Variants in DAPL1 observed in about 807,000 individuals in gnomAD.
DAPL1 encodes the protein death associated protein like 1.
DAPL1 carries 17 observed loss-of-function variants against 12.9 expected under a neutral mutation model. The observed-to-expected ratio is 1.32, with a 90% CI of 0.90 to 1.98. The LOEUF (loss-of-function observed/expected upper bound fraction) is 1.98. Ranked by LOEUF, DAPL1 falls within the 30% of genes most tolerant of loss-of-function variation. The pLI, the probability that DAPL1 is intolerant of heterozygous loss-of-function variation, is 0.00. For synonymous variants in DAPL1, 51 were observed against 42.0 expected (o/e 1.21, Z -0.82); for missense variants, 157 against 125.7 (o/e 1.25, Z -1.19).
chr2:158,795,552 A>C, intron 1 of DAPL1, 122 bp downstream of exon 1: 3 of 896,168 alleles, frequency 3.3e-6, no homozygotes, highest in Non-Finnish European at 5.3e-6. Flanking sequence ...CTTTAACTCC[A>C]TGCAGCCTGA....
intron 3 of DAPL1, among the ~76,000 whole-genome samples, chr2:158,813,893 C>T (rs1575231771): frequency 6.6e-6 from 1 of 152,142 alleles, no homozygotes; most frequent in Non-Finnish European, 1.5e-5. Context: ...CCCATCATCT[C>T]TTTCACACTT....
chr2:158,795,348 A>C lies in DAPL1; in HGVS notation c.-25A>C. On this transcript the variant is annotated 5_prime_UTR_variant, in exon 1 of 4. Transcript: ENST00000309950. Reference sequence around the variant, plus strand: ...GGCATTCAGCCTCCAGAGCACCAGCACTGGCACTGGCACTGGCACACGCTA... The same window carrying C: ...GGCATTCAGCCTCCAGAGCACCAGCCCTGGCACTGGCACTGGCACACGCTA... 6.4e-7 allele frequency: 1 copy of C among 1,551,858 alleles called. No homozygotes were observed. The highest frequency in any genetic ancestry group is 1.2e-5 in the South Asian group (1 of 84,028).
At chr2:158,795,774 A>C (rs896348171) in intron 1 of DAPL1, among the ~76,000 whole-genome samples, 1 of 152,114 alleles carries the variant, frequency 6.6e-6, no homozygotes, top group Non-Finnish European at 1.5e-5. Flanking sequence ...ACACATCTAC[A>C]CCAGGAAGAT....
intron 3 of DAPL1, chr2:158,807,793 A>G (rs1477594969): frequency 6.6e-5 from 10 of 152,308 alleles, no homozygotes; most frequent in Admixed American, 4.6e-4. Flanking sequence ...GATTACAGGC[A>G]TGTACCACCA....
chr2:158,810,458 C>G (rs2059224424), intron 3 of DAPL1, among the ~76,000 whole-genome samples: 1 of 152,178 alleles, frequency 6.6e-6, no homozygotes, highest in Non-Finnish European at 1.5e-5. Context: ...AAAGAAACTC[C>G]TCTCCATAGG....
intron 3 of DAPL1, among the ~76,000 whole-genome samples, chr2:158,815,246 T>C (rs1380470004): frequency 1.3e-5 from 2 of 152,214 alleles, no homozygotes; most frequent in Non-Finnish European, 2.9e-5. Context: ...AAATAGCAAA[T>C]GTACACACTT....
chr2:158,809,275 T>C (rs1662683738), intron 3 of DAPL1, among the ~76,000 whole-genome samples: 1 of 134,766 alleles, frequency 7.4e-6, no homozygotes, highest in Non-Finnish European at 1.5e-5. Context: ...GGAGAATTGC[T>C]TGAACCCGGG....
At chr2:158,810,161 G>A (rs1222343017) in intron 3 of DAPL1, among the ~76,000 whole-genome samples, 5 of 152,154 alleles carry the variant, frequency 3.3e-5, no homozygotes, top group Non-Finnish European at 5.9e-5. Flanking sequence ...TAGCCATGCT[G>A]CATAAACTAT....
At chr2:158,813,346 A>G (rs764911344) in intron 3 of DAPL1, among the ~76,000 whole-genome samples, 16 of 152,120 alleles carry the variant, frequency 1.1e-4, no homozygotes, top group South Asian at 2.1e-4. Context: ...TGTATTTAGC[A>G]CCACTGGACT....
At chr2:158,814,279 A>G (rs1277068376) in intron 3 of DAPL1, among the ~76,000 whole-genome samples, 1 of 152,164 alleles carries the variant, frequency 6.6e-6, no homozygotes, top group African/African-American at 2.4e-5. Context: ...TCTGATGATA[A>G]CTGACCTGAC....
chr2:158,796,054 C>CT (rs935231691), intron 1 of DAPL1, among the ~76,000 whole-genome samples: 6 of 151,284 alleles, frequency 4.0e-5, no homozygotes, highest in East Asian at 1.9e-4. Context: ...CCATAGTTGT[C>CT]TTTTTTTTTA....
At chr2:158,796,276 G>A (rs760325746) in intron 1 of DAPL1, among the ~76,000 whole-genome samples, 10 of 152,126 alleles carry the variant, frequency 6.6e-5, no homozygotes, top group Admixed American at 2.0e-4. Context: ...CATATTTACT[G>A]TCTAATTCTC....
At chr2:158,804,939 G>A (rs17810428) in intron 2 of DAPL1, among the ~76,000 whole-genome samples, 31,987 of 152,220 alleles carry the variant, frequency 0.21, 4,419 homozygotes, top group Non-Finnish European at 0.31. Context: ...TCAGCAGAGA[G>A]CTGTGGGCTG....
At chr2:158,808,091 C>A (rs1343517961) in intron 3 of DAPL1, among the ~76,000 whole-genome samples, 1 of 152,178 alleles carries the variant, frequency 6.6e-6, no homozygotes, top group East Asian at 1.9e-4. Context: ...GTCTAGTAGG[C>A]AGGTACATTA....
intron 2 of DAPL1, among the ~76,000 whole-genome samples, chr2:158,806,846 AAAAT>A (rs781074801): frequency 0.017 from 1,843 of 106,492 alleles, 22 homozygotes; most frequent in African/African-American, 0.044. Context: ...CAGAAAAAAA[AAAAT>A]AATAATAATA....
rs761355225 is a variant in DAPL1, at chr2:158,795,377, C to A, written c.5C>A (p.Ala2Glu). 37 of 1,555,146 alleles carry A rather than the reference C, an allele frequency of 2.4e-5. No individual in the cohort carries two copies. In the African/African-American group the frequency reaches 3.0e-4, roughly 13 times the overall value. The change falls in exon 1 of 4, where the codon GCA becomes GAA. Residue 2 changes from alanine to glutamate, a missense_variant. Coordinates refer to ENST00000309950, the MANE Select transcript of DAPL1 (RefSeq NM_001017920.3). M[A>E]NEVQDLLSPR... Reference sequence around the variant, plus strand: ...GCACTGGCACTGGCACACGCTATGGCAAATGAAGTGCAAGACCTGCTCTCC... The same window carrying A: ...GCACTGGCACTGGCACACGCTATGGAAAATGAAGTGCAAGACCTGCTCTCC...
At chr2:158,802,002 C>T (rs573568189) in intron 1 of DAPL1, among the ~76,000 whole-genome samples, 1 of 152,182 alleles carries the variant, frequency 6.6e-6, no homozygotes, top group African/African-American at 2.4e-5. Context: ...AACACAGAAC[C>T]AAGCTCAACC....
chr2:158,811,019 C>A (rs1248130788), intron 3 of DAPL1, among the ~76,000 whole-genome samples: 1 of 152,216 alleles, frequency 6.6e-6, no homozygotes, highest in South Asian at 2.1e-4. Context: ...TCTGGACAGT[C>A]ATGGCAATAA....
rs185115765 is a variant in DAPL1, at chr2:158,804,869, C to T, written c.146+500C>T. ...GGCATAGCCAGAAACACATAGGTAC[C>T]GAGCAGCCTCCCCGCTGCTCCTTCC... On this transcript the variant is annotated intron_variant, in intron 2 of 3. Coordinates refer to ENST00000309950, the MANE Select transcript of DAPL1 (RefSeq NM_001017920.3). Among the ~76,000 whole-genome samples, 15 of 152,284 alleles carry T rather than the reference C, an allele frequency of 9.9e-5. No homozygotes were observed. The East Asian group carries it at 1.9e-3, about 20-fold the overall frequency.
Sources: gnomAD v4.1 joint callset for allele counts (sites outside exome capture counted in the v4.1 genomes callset) on GRCh38, gnomAD v4.1.1 for gene constraint, MANE v1.5 for transcripts, NCBI Gene and HGNC (gene_info 2026-07-23, HGNC 2026-07-21) for gene names.